Variants in P2RY12 observed in about 807,000 individuals in gnomAD.
The protein encoded by P2RY12 is P2Y purinoceptor 12.
Under a neutral mutation model 4.5 loss-of-function variants are expected in P2RY12, and 3 were observed. The ratio of observed to expected loss-of-function variants is 0.67; its 90% confidence interval spans 0.31 to 1.74. The LOEUF (loss-of-function observed/expected upper bound fraction) is 1.74, where lower values mean the gene tolerates loss of function less well. Ranked by LOEUF, P2RY12 falls within the 40% of genes most tolerant of loss-of-function variation. P2RY12 has a pLI of 0.09. For missense variants in P2RY12, 356 were observed against 407.8 expected (o/e 0.87, Z 1.09); for synonymous variants, 148 against 154.1 (o/e 0.96, Z 0.29).
intron 1 of P2RY12, chr3:151,355,200 G>A: frequency 6.2e-7 from 1 of 1,613,744 alleles, no homozygotes; most frequent in Non-Finnish European, 8.5e-7. Flanking sequence ...CTAAACTCCA[G>A]CTCCTTTCAT....
At chr3:151,379,404 A>G (rs751476231) in intron 1 of P2RY12, among the ~76,000 whole-genome samples, 11 of 152,338 alleles carry the variant, frequency 7.2e-5, no homozygotes, top group Middle Eastern at 3.4e-3. Flanking sequence ...TTGTTTGTCA[A>G]TATGATTTGT....
intron 1 of P2RY12, among the ~76,000 whole-genome samples, chr3:151,352,027 ATAGTTT>A (rs1753297593): frequency 6.6e-6 from 1 of 152,180 alleles, no homozygotes; most frequent in Non-Finnish European, 1.5e-5. Flanking sequence ...TGGATTTTGG[ATAGTTT>A]CACATTTTTG....
At chr3:151,355,082 T>C in intron 1 of P2RY12, 1 of 1,493,920 alleles carries the variant, frequency 6.7e-7, no homozygotes, top group South Asian at 1.2e-5. Flanking sequence ...AGAGCTTCTA[T>C]TAAATGGAAA....
intron 1 of P2RY12, among the ~76,000 whole-genome samples, chr3:151,343,772 CCAAG>C (rs1752187720): frequency 6.6e-6 from 1 of 151,884 alleles, no homozygotes; most frequent in Non-Finnish European, 1.5e-5. Context: ...GTTTATTTTA[CCAAG>C]TCTACTAAAG....
intron 1 of P2RY12, among the ~76,000 whole-genome samples, chr3:151,344,439 G>A (rs1044761108): frequency 6.6e-6 from 1 of 152,028 alleles, no homozygotes; most frequent in African/African-American, 2.4e-5. Flanking sequence ...AAACAAAATA[G>A]CATGGTATAT....
intron 1 of P2RY12, chr3:151,377,038 A>G: frequency 3.1e-6 from 5 of 1,614,074 alleles, no homozygotes; most frequent in Non-Finnish European, 4.2e-6. Flanking sequence ...ACAATATTGC[A>G]AAGGCAACAA....
At chr3:151,377,895 A>C in intron 1 of P2RY12, 4 of 1,019,816 alleles carry the variant, frequency 3.9e-6, no homozygotes, top group Non-Finnish European at 5.4e-6. Context: ...TAAAAGGGAA[A>C]TTTTAGAACA....
At chr3:151,380,523 G>A (rs1712083212) in intron 1 of P2RY12, among the ~76,000 whole-genome samples, 1 of 151,592 alleles carries the variant, frequency 6.6e-6, no homozygotes, top group South Asian at 2.1e-4. Flanking sequence ...CTTGAACCTG[G>A]GAGGCAGAGG....
intron 1 of P2RY12, among the ~76,000 whole-genome samples, chr3:151,348,340 CAAAAAAAAAAAAAA>C (rs11382065): frequency 3.4e-5 from 3 of 87,820 alleles, no homozygotes; most frequent in East Asian, 3.2e-4. Context: ...ACCACCAGAC[CAAAAAAAAAAAAAA>C]AAAAAAAAAG....
chr3:151,356,519 T>C (rs989620256), intron 1 of P2RY12, among the ~76,000 whole-genome samples: 7 of 152,214 alleles, frequency 4.6e-5, no homozygotes, highest in African/African-American at 1.7e-4. Context: ...AGTCTTAAAC[T>C]AACATTTTAT....
intron 1 of P2RY12, chr3:151,366,001 C>T (rs1354647203): frequency 6.5e-7 from 1 of 1,530,846 alleles, no homozygotes; most frequent in South Asian, 1.3e-5. Context: ...TGTAAGTTTT[C>T]TTTTTCATTT....
At chr3:151,346,258 T>TATA (rs1752523552) in intron 1 of P2RY12, among the ~76,000 whole-genome samples, 2 of 152,326 alleles carry the variant, frequency 1.3e-5, no homozygotes, top group South Asian at 2.1e-4. Flanking sequence ...CATTGTCTCT[T>TATA]ATATCCTTTA....
At chr3:151,351,952 T>A (rs1753288497) in intron 1 of P2RY12, among the ~76,000 whole-genome samples, 1 of 152,244 alleles carries the variant, frequency 6.6e-6, no homozygotes, top group African/African-American at 2.4e-5. Flanking sequence ...ATTGTTGTTC[T>A]GTGCTGCCTT....
In P2RY12 at chr3:151,338,095, G is replaced by C. The variant is rs1751271720; in HGVS notation, c.751C>G (p.Pro251Ala). 1 of 1,613,958 alleles carries C rather than the reference G, an allele frequency of 6.2e-7. No individual in the cohort carries two copies. The highest frequency in any genetic ancestry group is 1.3e-5 in the African/African-American group (1 of 75,008). ...TAAGGAATTCGGGCAAAATGGAAAG[G>C]AACAAAACAAATAAAGAATACAGCA... Reference protein sequence around the residue: ...IIAVFFICFVPFHFARIPYTL... With the variant: ...IIAVFFICFVAFHFARIPYTL... The change falls in exon 3 of 3, where the codon CCT becomes GCT. Residue 251 changes from proline (P) to alanine (A), a missense_variant. Coordinates refer to ENST00000302632, the MANE Select transcript of P2RY12 (RefSeq NM_022788.5).
At chr3:151,350,100 T>C (rs1753035341) in intron 1 of P2RY12, 16 of 1,613,394 alleles carry the variant, frequency 9.9e-6, no homozygotes, top group Non-Finnish European at 1.4e-5. Context: ...GCACAATCCT[T>C]CTCTATGGAG....
At chr3:151,368,248 A>C in intron 1 of P2RY12, 1 of 1,613,364 alleles carries the variant, frequency 6.2e-7, no homozygotes, top group South Asian at 1.1e-5. Context: ...ACCTCAAGCA[A>C]CGGGTGAGCT....
intron 1 of P2RY12, chr3:151,368,360 A>G: frequency 1.1e-6 from 1 of 903,950 alleles, no homozygotes; most frequent in East Asian, 2.6e-5. Flanking sequence ...TTTTTTGGGC[A>G]TGCCCTGGGG....
At chr3:151,382,749 A>G in intron 1 of P2RY12, 1 of 1,605,486 alleles carries the variant, frequency 6.2e-7, no homozygotes, top group South Asian at 1.1e-5. Flanking sequence ...AAATTTGGTA[A>G]GTGACATTTC....
At chr3:151,353,875 C>A (rs2150039207) in intron 1 of P2RY12, among the ~76,000 whole-genome samples, 1 of 152,188 alleles carries the variant, frequency 6.6e-6, no homozygotes, top group Admixed American at 6.5e-5. Context: ...GGCGCGGTGG[C>A]TCACGCCTGT....
Sources: gnomAD v4.1 joint callset for allele counts (sites outside exome capture counted in the v4.1 genomes callset) on GRCh38, gnomAD v4.1.1 for gene constraint, MANE v1.5 for transcripts, NCBI Gene and HGNC (gene_info 2026-07-23, HGNC 2026-07-21) for gene names.